The following JADE1 variants were observed in gnomAD, a reference collection of about 807,000 sequenced individuals.
The protein encoded by JADE1 is jade family PHD finger 1.
A neutral mutation model predicts 81.8 loss-of-function variants in JADE1; 14 were observed. The ratio of observed to expected loss-of-function variants is 0.17; its 90% CI spans 0.11 to 0.27. The LOEUF is 0.27. Among genes scored for constraint, JADE1 ranks in the 10% least tolerant of loss-of-function variants. The pLI, the probability that JADE1 is intolerant of heterozygous loss-of-function variation, is 1.00. For missense variants in JADE1, 690 were observed against 1,047.9 expected (o/e 0.66, Z 4.71); for synonymous variants, 353 against 391.9 (o/e 0.90, Z 1.17).
chr4:128,850,676 A>G (rs1200063307), intron 5 of JADE1, among the ~76,000 whole-genome samples: 1 of 152,202 alleles, frequency 6.6e-6, no homozygotes, highest in African/African-American at 2.4e-5. Flanking sequence ...AGCTTCACAG[A>G]TGATACAGTT....
chr4:128,832,959 A>G (rs1172712078), intron 2 of JADE1, among the ~76,000 whole-genome samples: 1 of 152,028 alleles, frequency 6.6e-6, no homozygotes, highest in Non-Finnish European at 1.5e-5. Context: ...TTTGGGGAGG[A>G]GAATTGGCCG....
intron 3 of JADE1, among the ~76,000 whole-genome samples, chr4:128,843,509 C>G (rs1352303687): frequency 6.6e-6 from 1 of 152,024 alleles, no homozygotes; most frequent in East Asian, 1.9e-4. Context: ...AAGGCTTTCC[C>G]CATTCTTTCT....
chr4:128,838,692 C>G (rs1729189650), intron 2 of JADE1, among the ~76,000 whole-genome samples: 2 of 152,204 alleles, frequency 1.3e-5, no homozygotes, highest in East Asian at 3.9e-4. Context: ...CTGTCCCACC[C>G]CCAATATTTT....
rs78551908 is a variant in JADE1, at chr4:128,833,065, A to G, written c.52+1255A>G. On this transcript the variant is annotated intron_variant, in intron 2 of 10. Transcript: ENST00000226319. Reference sequence around the variant, plus strand: ...CTGCTGATGTTGGCAGCAGGAGAGAAGTGAACTAGTTGAGAGAGGGTGTAG... The same window carrying G: ...CTGCTGATGTTGGCAGCAGGAGAGAGGTGAACTAGTTGAGAGAGGGTGTAG... Among the ~76,000 whole-genome samples the G allele has an allele frequency of 5.5e-3, 845 of 152,290 alleles. 13 individuals are homozygous for G. The highest frequency in any genetic ancestry group is 0.019 in the African/African-American group (792 of 41,562).
chr4:128,822,716 T>C (rs1727699166), intron 1 of JADE1, among the ~76,000 whole-genome samples: 1 of 151,182 alleles, frequency 6.6e-6, no homozygotes. Context: ...TGAAACTCCG[T>C]CTCAAGAAAA....
intron 8 of JADE1, among the ~76,000 whole-genome samples, chr4:128,859,450 CGTGA>C (rs1553950252): frequency 6.6e-6 from 1 of 151,310 alleles, no homozygotes; most frequent in Non-Finnish European, 1.5e-5. Context: ...TGTGTATGCG[CGTGA>C]GTGCGTGAGT....
rs1481007424 is a variant in JADE1 at position 128,840,799 on chromosome 4, C to CTAA, written c.53-2154_53-2153insTAA. On this transcript the variant is annotated intron_variant, in intron 2 of 10. Transcript: ENST00000226319. ...CTTGTTCATTTAGAGTCTAAAGAGG[C>CTAA]ACACTTAGTATTTTTTTAAAGAAGA... Among the ~76,000 whole-genome samples, 9 of 152,328 alleles carry CTAA rather than the reference C, an allele frequency of 5.9e-5. No individual in the cohort carries two copies. The East Asian group carries it at 1.7e-3, about 29-fold the overall frequency.
At position 128,861,674 on chromosome 4, in the gene JADE1, A is replaced by T. The variant is rs566672431; in HGVS notation, c.982-30A>T. The T allele has an allele frequency of 1.7e-4, 272 of 1,607,284 alleles. 4 individuals carry two copies. The South Asian group carries it at 2.8e-3, about 17-fold the overall frequency. ...TGCCATCATTGCTCTATAATGGTCT[A>T]TTCTCATGTTCTTTGTGTGTTCTTG... On this transcript the variant is annotated intron_variant, in intron 8 of 10. Transcript: ENST00000226319.
chr4:128,872,152 G>A lies in JADE1; in HGVS notation c.2419G>A (p.Val807Met). The A allele has an allele frequency of 6.2e-7, 1 of 1,614,214 alleles. No homozygotes were observed. Among genetic ancestry groups the A allele is most frequent in the Non-Finnish European group, 8.5e-7 (1 of 1,180,036 alleles). The change falls in exon 11 of 11, where the codon GTG becomes ATG. Residue 807 changes from valine (V) to methionine (M), a missense_variant. This residue lies in a region of JADE1 where 218 missense variants were observed against 274.3 expected (regional missense o/e 0.79). Transcript: ENST00000226319. Reference sequence around the variant, plus strand: ...TGAGAATGACGGGTATGTCCCCGATGTGGAAATGAGTGACTCAGAGAGTGA... The same window carrying A: ...TGAGAATGACGGGTATGTCCCCGATATGGAAATGAGTGACTCAGAGAGTGA... ...DNENDGYVPD[V>M]EMSDSESEAS...
At chr4:128,866,413 C>A (rs1731784203) in intron 9 of JADE1, among the ~76,000 whole-genome samples, 1 of 152,204 alleles carries the variant, frequency 6.6e-6, no homozygotes. Context: ...GGAGATATTA[C>A]CATAATGCAA....
chr4:128,842,036 A>G (rs1729476735), intron 2 of JADE1, among the ~76,000 whole-genome samples: 1 of 152,282 alleles, frequency 6.6e-6, no homozygotes, highest in African/African-American at 2.4e-5. Flanking sequence ...AAGGCAGAGA[A>G]CAGAGCCAAC....
At chr4:128,824,396 T>C (rs1036508967) in intron 1 of JADE1, among the ~76,000 whole-genome samples, 1 of 151,736 alleles carries the variant, frequency 6.6e-6, no homozygotes, top group Non-Finnish European at 1.5e-5. Flanking sequence ...CCAGCCTAGG[T>C]GACAGAGCGA....
chr4:128,820,688 T>C (rs957603701), intron 1 of JADE1, among the ~76,000 whole-genome samples: 12 of 141,330 alleles, frequency 8.5e-5, no homozygotes, highest in Admixed American at 2.1e-4. Flanking sequence ...GTCTCTCTCT[T>C]TTTTTTTTTT....
chr4:128,872,404 A>G lies in JADE1; in HGVS notation c.*142A>G, dbSNP rs11933240. The G allele has an allele frequency of 0.2, 140,560 of 707,076 alleles. 15,127 individuals are homozygous for G. The highest frequency in any genetic ancestry group is 0.27 in the Middle Eastern group (738 of 2,742). 43.8% of individuals were successfully genotyped at this position (707,076 alleles called of 1,614,324 possible). ...TTGCAATTCAGATTAATTTTTTTCCAGAGTCATTTTTAAATCATTTTTGTG... is the reference window on the plus strand; with the variant it reads ...TTGCAATTCAGATTAATTTTTTTCCGGAGTCATTTTTAAATCATTTTTGTG... On this transcript the variant is annotated 3_prime_UTR_variant, in exon 11 of 11. Coordinates refer to ENST00000226319, the MANE Select transcript of JADE1 (RefSeq NM_199320.4).
chr4:128,833,887 A>G (rs1579144613), intron 2 of JADE1, among the ~76,000 whole-genome samples: 1 of 152,114 alleles, frequency 6.6e-6, no homozygotes, highest in East Asian at 1.9e-4. Context: ...TGTGTTAGAA[A>G]AGTTTCTCCT....
chr4:128,842,175 T>C (rs1345324884), intron 2 of JADE1, among the ~76,000 whole-genome samples: 7 of 152,240 alleles, frequency 4.6e-5, no homozygotes, highest in African/African-American at 1.7e-4. Context: ...TACTACACCA[T>C]AGGCCTGAGG....
At chr4:128,843,181 C>G (rs1729594309) in intron 3 of JADE1, 143 bp downstream of exon 3, 1 of 634,140 alleles carries the variant, frequency 1.6e-6, no homozygotes, top group African/African-American at 1.8e-5. Flanking sequence ...GGGGAGAACA[C>G]AAGTGTCTAC....
chr4:128,816,687 C>T (rs1311935309), intron 1 of JADE1, among the ~76,000 whole-genome samples: 2 of 152,140 alleles, frequency 1.3e-5, no homozygotes, highest in Non-Finnish European at 2.9e-5. Context: ...CCATAGTGTA[C>T]GATGTGCACA....
chr4:128,853,237 G>C (rs990667508), intron 6 of JADE1, among the ~76,000 whole-genome samples: 1 of 152,220 alleles, frequency 6.6e-6, no homozygotes, highest in African/African-American at 2.4e-5. Flanking sequence ...CCCTACTTCA[G>C]AGTGAGCTCA....
Sources: allele counts gnomAD v4.1 joint callset (sites outside exome capture counted in the v4.1 genomes callset), GRCh38; gene constraint gnomAD v4.1.1; regional missense constraint gnomAD v4.1.1; transcripts MANE v1.5; gene names NCBI Gene and HGNC (gene_info 2026-07-23, HGNC 2026-07-21).